Variants in PAK2 observed in about 807,000 individuals in gnomAD.
The protein encoded by PAK2 is p21 (RAC1) activated kinase 2.
In PAK2, 21 loss-of-function variants were observed where a neutral mutation model predicts 65.9. The observed-to-expected ratio is 0.32, with a 90% CI of 0.23 to 0.46. The LOEUF (loss-of-function observed/expected upper bound fraction) is 0.46, where lower values mean the gene tolerates loss of function less well. Among genes scored for constraint, PAK2 ranks in the 20% least tolerant of loss-of-function variants. PAK2 has a pLI of 1.00. For synonymous variants in PAK2, 204 were observed against 219.7 expected (o/e 0.93, Z 0.63); for missense variants, 324 against 642.6 (o/e 0.50, Z 5.36).
At chr3:196,771,972 C>T (rs1218144090) in intron 1 of PAK2, among the ~76,000 whole-genome samples, 1 of 152,112 alleles carries the variant, frequency 6.6e-6, no homozygotes, top group Non-Finnish European at 1.5e-5. Context: ...TGAGTTTTAG[C>T]TTTCATTTAT....
At chr3:196,762,740 A>G (rs1049880839) in intron 1 of PAK2, among the ~76,000 whole-genome samples, 1 of 151,538 alleles carries the variant, frequency 6.6e-6, no homozygotes, top group African/African-American at 2.4e-5. Flanking sequence ...GGTTGCAGTG[A>G]GCCGAGATCG....
At chr3:196,742,640 C>T (rs1324126690) in intron 1 of PAK2, among the ~76,000 whole-genome samples, 1 of 152,064 alleles carries the variant, frequency 6.6e-6, no homozygotes, top group Non-Finnish European at 1.5e-5. Flanking sequence ...CTTCGCCGGG[C>T]GCGGTGGCTC....
rs1712118196 is a variant in PAK2 at position 196,832,315 on chromosome 3, GA to G, written c.*3912del. On this transcript the variant is annotated 3_prime_UTR_variant, in exon 15 of 15. Coordinates refer to ENST00000327134, the MANE Select transcript of PAK2 (RefSeq NM_002577.4). Reference sequence around the variant, plus strand: ...TTTTTTTCTTGTTTTGATAGAAATGGAATTAAGCAAAAGTAGTTTTTGTCTT... The same window carrying G: ...TTTTTTTCTTGTTTTGATAGAAATGGATTAAGCAAAAGTAGTTTTTGTCTT... 1 of 152,204 alleles carries G rather than the reference GA, an allele frequency of 6.6e-6. No homozygotes were observed. Among genetic ancestry groups the G allele is most frequent in the Non-Finnish European group, 1.5e-5 (1 of 68,012 alleles). The allele number at this position is 152,204 out of a possible 1,614,324, so 9.4% of individuals were successfully genotyped here.
At chr3:196,742,787 G>C (rs960912325) in intron 1 of PAK2, among the ~76,000 whole-genome samples, 2 of 152,216 alleles carry the variant, frequency 1.3e-5, no homozygotes, top group Non-Finnish European at 2.9e-5. Context: ...CTTGGTGGCA[G>C]GCGCCTGTAG....
rs1054896528 is a variant in PAK2 at position 196,771,303 on chromosome 3, T to C, written c.-21-11323T>C. Among the ~76,000 whole-genome samples the C allele has an allele frequency of 7.9e-5, 12 of 152,082 alleles. 1 individual carries two copies. Among genetic ancestry groups the C allele is most frequent in the African/African-American group, 2.9e-4 (12 of 41,322 alleles). On this transcript the variant is annotated intron_variant, in intron 1 of 14. Coordinates refer to ENST00000327134, the MANE Select transcript of PAK2 (RefSeq NM_002577.4). ...CTGCTTCTGTGAAATTTGTCTTTTTTTCTCCTTTGGCCAATTTTAGGAATT... is the reference window on the plus strand; with the variant it reads ...CTGCTTCTGTGAAATTTGTCTTTTTCTCTCCTTTGGCCAATTTTAGGAATT...
chr3:196,797,039 C>T (rs1027550727), intron 2 of PAK2, among the ~76,000 whole-genome samples: 1 of 148,674 alleles, frequency 6.7e-6, no homozygotes, highest in Admixed American at 6.6e-5. Context: ...GACATAAAAT[C>T]GCTAAGGATA....
In PAK2 at chr3:196,791,706, C is replaced by T. The variant is rs1002083318; in HGVS notation, c.187+8873C>T. The stretch of plus-strand genomic sequence containing the variant: ...TTGGGAGGCCGAGGCAGGTGGATCA[C>T]GAGGTCAGGAGATCAAGACCATCCT... On this transcript the variant is annotated intron_variant, in intron 2 of 14. Coordinates refer to ENST00000327134, the MANE Select transcript of PAK2 (RefSeq NM_002577.4). The surrounding 1 kb of genome is among the most constrained non-coding windows in gnomAD (Gnocchi z 4.0). Among the ~76,000 whole-genome samples, 14 of 151,986 alleles carry T rather than the reference C, an allele frequency of 9.2e-5. No individual in the cohort carries two copies. The highest frequency in any genetic ancestry group is 1.3e-4 in the Admixed American group (2 of 15,252).
At chr3:196,759,798 T>A (rs977361838) in intron 1 of PAK2, among the ~76,000 whole-genome samples, 1 of 152,016 alleles carries the variant, frequency 6.6e-6, no homozygotes, top group African/African-American at 2.4e-5. Flanking sequence ...GTGCCGGGAT[T>A]ACAGGCGTGA....
At chr3:196,759,603 T>C (rs1407549224) in intron 1 of PAK2, among the ~76,000 whole-genome samples, 1 of 143,102 alleles carries the variant, frequency 7.0e-6, no homozygotes, top group East Asian at 2.3e-4. Flanking sequence ...CTCGGCCCAC[T>C]GCAACCTCTG....
intron 12 of PAK2, among the ~76,000 whole-genome samples, chr3:196,819,056 A>G (rs146180206): frequency 3.3e-5 from 5 of 152,316 alleles, no homozygotes; most frequent in African/African-American, 1.2e-4. Flanking sequence ...GTTCTCTGCA[A>G]TATTGTAAAG....
rs1347259794 is a variant in PAK2 at position 196,829,600 on chromosome 3, C to A, written c.*1195C>A. The A allele has an allele frequency of 6.6e-6, 1 of 152,052 alleles. No individual in the cohort carries two copies. The highest frequency in any genetic ancestry group is 1.5e-5 in the Non-Finnish European group (1 of 68,028). 9.4% of individuals were successfully genotyped at this position (152,052 alleles called of 1,614,324 possible). ...AATGTTAGTGTTACAGAGAAGCAGC[C>A]GATAGCAAATCGACTGTAGAGACTT... On this transcript the variant is annotated 3_prime_UTR_variant, in exon 15 of 15. Coordinates refer to ENST00000327134, the MANE Select transcript of PAK2 (RefSeq NM_002577.4).
At chr3:196,777,449 C>T (rs538400546) in intron 1 of PAK2, among the ~76,000 whole-genome samples, 6 of 152,158 alleles carry the variant, frequency 3.9e-5, no homozygotes, top group South Asian at 4.1e-4. Context: ...AGTAATCCCC[C>T]GACCTTGGCC....
intron 1 of PAK2, among the ~76,000 whole-genome samples, chr3:196,775,714 G>C (rs1385357490): frequency 6.6e-6 from 1 of 152,164 alleles, no homozygotes; most frequent in Non-Finnish European, 1.5e-5. Context: ...TCTGAAAGTT[G>C]CTGTGTAATG....
chr3:196,823,238 G>A (rs1478232900), intron 13 of PAK2, among the ~76,000 whole-genome samples: 1 of 152,116 alleles, frequency 6.6e-6, no homozygotes, highest in Non-Finnish European at 1.5e-5. Context: ...GAGTCTGGAT[G>A]TATTTTGAAA....
intron 1 of PAK2, among the ~76,000 whole-genome samples, chr3:196,741,078 A>G (rs568238345): frequency 2.6e-5 from 4 of 152,182 alleles, no homozygotes; most frequent in Non-Finnish European, 5.9e-5. Flanking sequence ...TCTGCGTTAC[A>G]GGCGATGTGT....
intron 1 of PAK2, among the ~76,000 whole-genome samples, chr3:196,756,170 G>A (rs1713763010): frequency 1.3e-5 from 2 of 152,096 alleles, no homozygotes; most frequent in African/African-American, 2.4e-5. Context: ...TTTACGCTTT[G>A]TCATTGTTTC....
intron 1 of PAK2, among the ~76,000 whole-genome samples, chr3:196,752,136 C>A (rs974089893): frequency 4.8e-4 from 73 of 152,128 alleles, no homozygotes; most frequent in Non-Finnish European, 1.0e-4. Flanking sequence ...TGAGACAGTT[C>A]TAGCCCCAAG....
chr3:196,799,494 C>T (rs1455875669), intron 2 of PAK2, among the ~76,000 whole-genome samples: 1 of 151,754 alleles, frequency 6.6e-6, no homozygotes. Flanking sequence ...ATTGTGGATG[C>T]GAGTTGCTTA....
At chr3:196,782,319 C>T (rs1481016476) in intron 1 of PAK2, among the ~76,000 whole-genome samples, 1 of 150,970 alleles carries the variant, frequency 6.6e-6, no homozygotes, top group Non-Finnish European at 1.5e-5. Context: ...AAAAAGATTT[C>T]ATGTTGTCTG....
Sources: gnomAD v4.1 joint callset for allele counts (sites outside exome capture counted in the v4.1 genomes callset) on GRCh38, gnomAD v4.1.1 for gene constraint, Gnocchi (gnomAD v3.1) non-coding constraint, MANE v1.5 for transcripts, NCBI Gene and HGNC (gene_info 2026-07-23, HGNC 2026-07-21) for gene names.